Variants in BLM observed in about 807,000 individuals in gnomAD.
The protein encoded by BLM is recQ-like DNA helicase BLM.
Under a neutral mutation model 135.3 loss-of-function variants are expected in BLM, and 95 were observed. The observed-to-expected ratio is 0.70, with a 90% confidence interval of 0.59 to 0.83. The LOEUF (loss-of-function observed/expected upper bound fraction) is 0.83, where lower values mean the gene tolerates loss of function less well. Among genes scored for constraint, BLM ranks in the 40% least tolerant of loss-of-function variants. BLM has a pLI of 0.00. For missense variants in BLM, 1,518 were observed against 1,663.9 expected (o/e 0.91, Z 1.53); for synonymous variants, 520 against 589.2 (o/e 0.88, Z 1.70).
At chr15:90,760,426 C>G (rs1895941672) in intron 6 of BLM, 147 bp downstream of exon 6, 18 of 1,306,636 alleles carry the variant, frequency 1.4e-5, no homozygotes, top group Middle Eastern at 2.6e-4. Context: ...GATTTGTTTA[C>G]TTTTCAAACC....
At chr15:90,785,672 T>C (rs1362121057) in intron 14 of BLM, among the ~76,000 whole-genome samples, 1 of 151,460 alleles carries the variant, frequency 6.6e-6, no homozygotes, top group Non-Finnish European at 1.5e-5. Flanking sequence ...GCCTCCTGAG[T>C]AGATGGGATT....
intron 19 of BLM, among the ~76,000 whole-genome samples, chr15:90,806,816 A>G (rs1897296394): frequency 6.6e-6 from 1 of 152,222 alleles, no homozygotes; most frequent in Admixed American, 6.5e-5. Flanking sequence ...ATCGGTCATT[A>G]CAATATTTCA....
At chr15:90,755,023 G>T in intron 5 of BLM, 85 bp downstream of exon 5, 2 of 1,503,402 alleles carry the variant, frequency 1.3e-6, no homozygotes. Flanking sequence ...TTTTGAACCT[G>T]TGGCTGTATG....
chr15:90,740,196 C>A (rs1895328646), intron 1 of BLM, among the ~76,000 whole-genome samples: 1 of 152,120 alleles, frequency 6.6e-6, no homozygotes, highest in Non-Finnish European at 1.5e-5. Flanking sequence ...TTTCATCAGC[C>A]CACAGAGAAA....
chr15:90,777,571 CA>C (rs139190354), intron 12 of BLM, among the ~76,000 whole-genome samples: 26,079 of 152,148 alleles, frequency 0.17, 2,293 homozygotes, highest in Non-Finnish European at 0.19. Context: ...TTTGAAAAGA[CA>C]TGAGTTTGAC....
At chr15:90,738,956 A>G (rs57219807) in intron 1 of BLM, among the ~76,000 whole-genome samples, 9,454 of 152,274 alleles carry the variant, frequency 0.062, 960 homozygotes, top group African/African-American at 0.21. Flanking sequence ...TTACCATATG[A>G]TTCAGCAATT....
chr15:90,754,965 T>C (rs1369748301), intron 5 of BLM, 27 bp downstream of exon 5: 2 of 1,612,500 alleles, frequency 1.2e-6, no homozygotes, highest in Admixed American at 1.7e-5. Context: ...AGACATACCA[T>C]GTATTTCAAC....
intron 1 of BLM, among the ~76,000 whole-genome samples, chr15:90,724,743 G>A (rs1376473931): frequency 1.3e-5 from 2 of 152,184 alleles, no homozygotes; most frequent in African/African-American, 4.8e-5. Flanking sequence ...CCCTCTCCAG[G>A]CACACCAGCC....
rs763676199 is a variant in BLM at position 90,760,296 on chromosome 15, C to T, written c.1220+17C>T. ...GAACATAAGGTATCTTAATTTTCCC[C>T]CTTCTGGAATATATCTGATTATATT... On this transcript the variant is annotated intron_variant, in intron 6 of 21. Coordinates refer to ENST00000355112, the MANE Select transcript of BLM (RefSeq NM_000057.4). 24 of 1,613,578 alleles carry T rather than the reference C, an allele frequency of 1.5e-5. No individual in the cohort carries two copies. Among genetic ancestry groups the T allele is most frequent in the Non-Finnish European group, 1.9e-5 (22 of 1,179,956 alleles).
At chr15:90,789,502 C>T (rs1896843822) in intron 14 of BLM, among the ~76,000 whole-genome samples, 1 of 152,178 alleles carries the variant, frequency 6.6e-6, no homozygotes, top group African/African-American at 2.4e-5. Flanking sequence ...TCTCCACCTG[C>T]TCTCCATCAC....
intron 1 of BLM, among the ~76,000 whole-genome samples, chr15:90,744,690 G>C (rs377667102): frequency 6.6e-6 from 1 of 150,594 alleles, no homozygotes; most frequent in Non-Finnish European, 1.5e-5. Flanking sequence ...CTTTTAAACT[G>C]GATTCCAAAT....
intron 2 of BLM, 156 bp downstream of exon 2, chr15:90,747,646 G>A: frequency 1.6e-6 from 1 of 638,944 alleles, no homozygotes; most frequent in Non-Finnish European, 2.9e-6. Flanking sequence ...GGTAGAGTAT[G>A]TTTTAGCAGC....
At chr15:90,760,547 G>A (rs1895943958) in intron 6 of BLM, 47 bp from the exon 7 acceptor site, 2 of 1,545,660 alleles carry the variant, frequency 1.3e-6, no homozygotes, top group African/African-American at 2.7e-5. Flanking sequence ...TGGCCTACCA[G>A]AGTAAACTAC....
rs367763242 is a variant in BLM at position 90,759,956 on chromosome 15, CTT to C, written c.1088-176_1088-175del. The C allele has an allele frequency of 0.041, 12,339 of 297,720 alleles. No individual in the cohort carries two copies. Among genetic ancestry groups the C allele is most frequent in the East Asian group, 0.057 (831 of 14,668 alleles). The allele number at this position is 297,720 out of a possible 1,614,324, so 18.4% of individuals were successfully genotyped here. ...AGAAAAAGAAATCAAGATCTTAAGA[CTT>C]TTTTTTTTTTTTTTAGTGACAGGGT... is the stretch of plus-strand genomic sequence containing the variant. On this transcript the variant is annotated intron_variant, in intron 5 of 21. Coordinates refer to ENST00000355112, the MANE Select transcript of BLM (RefSeq NM_000057.4).
In BLM at chr15:90,763,063, TAA is replaced by T. The variant is rs762804291; in HGVS notation, c.1985_1986del (p.Lys662IlefsTer5). The T allele has an allele frequency of 1.2e-6, 2 of 1,614,124 alleles. No individual in the cohort carries two copies. Among genetic ancestry groups the T allele is most frequent in the South Asian group, 1.1e-5 (1 of 91,084 alleles). On this transcript the variant is annotated frameshift_variant, in exon 8 of 22. Transcript: ENST00000355112. LOFTEE classifies it high-confidence loss of function. The stretch of plus-strand genomic sequence containing the variant: ...CAAAGGAAATGATGAAGATTTTTCA[TAA>T]AAAATTTGGCCTGCATAATTTTAGA... ...HTKEMMKIFHKKFGLHNFRTN... is the reference protein window; with the variant it reads ...HTKEMMKIFHXKFGLHNFRTN...
In BLM at chr15:90,798,262, C is replaced by A. The variant is rs754127572; in HGVS notation, c.3283C>A (p.Gln1095Lys). 1 of 1,611,736 alleles carries A rather than the reference C, an allele frequency of 6.2e-7. No individual in the cohort carries two copies. Among genetic ancestry groups the A allele is most frequent in the Non-Finnish European group, 8.5e-7 (1 of 1,178,358 alleles). Residue 1095 changes from glutamine (Q) to lysine (K), a missense_variant, in exon 17 of 22, where the codon CAA (glutamine) becomes AAA (lysine). Gln to Lys is a moderately conservative substitution (Grantham distance 53). Around this residue, in one of 5 missense-constraint regions of BLM, gnomAD observed 626 missense variants for 681.1 expected, o/e 0.92. Transcript: ENST00000355112. ...VRFVQEHSSS[Q>K]GMRNIKHVGP... ...ATTTGTTCAAGAACATAGTTCATCA[C>A]AAGGAATGAGAAATATAAAACATGT...
chr15:90,724,367 A>G (rs1342970672), intron 1 of BLM, among the ~76,000 whole-genome samples: 1 of 152,192 alleles, frequency 6.6e-6, no homozygotes, highest in African/African-American at 2.4e-5. Flanking sequence ...ACCACTGTAA[A>G]GAAAACTCCA....
At position 90,778,022 on chromosome 15, in the gene BLM, A is replaced by C. The variant is rs527701880; in HGVS notation, c.2556-4800A>C. Among the ~76,000 whole-genome samples, 7 of 152,342 alleles carry C rather than the reference A, an allele frequency of 4.6e-5. 1 individual carries two copies. The highest frequency in any genetic ancestry group is 2.1e-4 in the South Asian group (1 of 4,830). On this transcript the variant is annotated intron_variant, in intron 12 of 21. Transcript: ENST00000355112. ...TATCAATTGATGGGAACTGTCTGTA[A>C]CTAGGTATTTGGTAATTCCAAACAT...
At position 90,790,857 on chromosome 15, in the gene BLM, C is replaced by T. The variant is rs942808732; in HGVS notation, c.3019+13C>T. The T allele has an allele frequency of 6.2e-7, 1 of 1,607,678 alleles. No individual in the cohort carries two copies. The highest frequency in any genetic ancestry group is 8.5e-7 in the Non-Finnish European group (1 of 1,174,360). On this transcript the variant is annotated intron_variant, in intron 15 of 21. Transcript: ENST00000355112. ...AGACTTATAATGAGTAAGCTGGGCT[C>T]CATTGTAGAGACATTCTGTCATCTT...
Sources: gnomAD v4.1 joint callset for allele counts (sites outside exome capture counted in the v4.1 genomes callset) on GRCh38, gnomAD v4.1.1 for gene constraint, gnomAD v4.1.1 regional missense constraint, MANE v1.5 for transcripts, NCBI Gene and HGNC (gene_info 2026-07-23, HGNC 2026-07-21) for gene names.